The following PAQR5 variants were observed in gnomAD, a reference collection of about 807,000 sequenced individuals.
PAQR5 encodes membrane progestin receptor gamma.
In PAQR5, 20 loss-of-function variants were observed where a neutral mutation model predicts 34.5. The ratio of observed to expected loss-of-function variants is 0.58; its 90% CI spans 0.41 to 0.84. PAQR5 has a LOEUF of 0.84. PAQR5 is among the 40% of genes least tolerant of loss of function. PAQR5 has a pLI of 0.00. For synonymous variants in PAQR5, 131 were observed against 155.6 expected, an observed-to-expected ratio of 0.84 and a Z score of 1.18; for missense variants, 378 against 412.7, an observed-to-expected ratio of 0.92 and a Z score of 0.73.
chr15:69,305,258 G>A (rs1381879127), intron 1 of PAQR5, among the ~76,000 whole-genome samples: 1 of 152,032 alleles, frequency 6.6e-6, no homozygotes, highest in Non-Finnish European at 1.5e-5. Context: ...TGTCCTCTCG[G>A]GGACACTCCA....
chr15:69,375,399 C>A (rs753556290), intron 3 of PAQR5, among the ~76,000 whole-genome samples: 1 of 152,158 alleles, frequency 6.6e-6, no homozygotes, highest in African/African-American at 2.4e-5. Flanking sequence ...GCAGTTGCAT[C>A]TGAGGTCCTG....
intron 4 of PAQR5, among the ~76,000 whole-genome samples, chr15:69,383,373 A>G (rs1462849579): frequency 1.1e-3 from 39 of 36,636 alleles, no homozygotes; most frequent in Non-Finnish European, 4.6e-4. Flanking sequence ...CTTTGTGTAC[A>G]TGGTGGAGGG....
chr15:69,390,356 A>ATTTTTTTTT (rs144601337), intron 6 of PAQR5, among the ~76,000 whole-genome samples: 2 of 132,662 alleles, frequency 1.5e-5, no homozygotes, highest in Admixed American at 8.0e-5. Context: ...TTATTTATTT[A>ATTTTTTTTT]TTTATTTTTT....
At chr15:69,342,319 T>C (rs1328613926) in intron 2 of PAQR5, among the ~76,000 whole-genome samples, 1 of 149,220 alleles carries the variant, frequency 6.7e-6, no homozygotes, top group Non-Finnish European at 1.5e-5. Context: ...ATTTCTTTTA[T>C]ATTGGTTGTT....
At chr15:69,332,101 G>C (rs2054392973) in intron 1 of PAQR5, among the ~76,000 whole-genome samples, 1 of 152,192 alleles carries the variant, frequency 6.6e-6, no homozygotes, top group South Asian at 2.1e-4. Flanking sequence ...GGGTAAAACA[G>C]TAAACTATTG....
intron 1 of PAQR5, among the ~76,000 whole-genome samples, chr15:69,315,727 T>C (rs1424815101): frequency 6.6e-6 from 1 of 152,224 alleles, no homozygotes; most frequent in African/African-American, 2.4e-5. Flanking sequence ...ACTTTTCATA[T>C]AGAGGCCCTG....
intron 5 of PAQR5, among the ~76,000 whole-genome samples, chr15:69,389,423 G>A (rs1212638199): frequency 6.6e-6 from 1 of 152,250 alleles, no homozygotes; most frequent in East Asian, 1.9e-4. Context: ...GGTCATACAT[G>A]TAAAGCCCTT....
chr15:69,346,632 T>A (rs888920063), intron 2 of PAQR5, among the ~76,000 whole-genome samples: 1 of 150,574 alleles, frequency 6.6e-6, no homozygotes, highest in Non-Finnish European at 1.5e-5. Context: ...TTTTTTTTTT[T>A]TTTTTTGAGT....
intron 1 of PAQR5, among the ~76,000 whole-genome samples, chr15:69,331,299 A>G (rs191274754): frequency 6.4e-4 from 98 of 152,316 alleles, no homozygotes; most frequent in African/African-American, 2.3e-3. Flanking sequence ...GTGTCTGTTC[A>G]GCTCCTGCGG....
chr15:69,353,779 G>T (rs1018185949), intron 2 of PAQR5, among the ~76,000 whole-genome samples: 3 of 152,194 alleles, frequency 2.0e-5, no homozygotes, highest in African/African-American at 7.2e-5. Flanking sequence ...TTTCCAAGAA[G>T]ACTTGATGCT....
At chr15:69,352,198 T>G (rs1279168493) in intron 2 of PAQR5, among the ~76,000 whole-genome samples, 1 of 152,214 alleles carries the variant, frequency 6.6e-6, no homozygotes, top group East Asian at 1.9e-4. Flanking sequence ...AGCAAGGCCT[T>G]GCCGTCATCC....
intron 6 of PAQR5, among the ~76,000 whole-genome samples, chr15:69,393,157 T>C (rs1595936293): frequency 8.0e-6 from 1 of 124,230 alleles, no homozygotes; most frequent in African/African-American, 3.1e-5. Context: ...GCCACACTCT[T>C]GCACCCAAAG....
intron 7 of PAQR5, among the ~76,000 whole-genome samples, chr15:69,399,424 C>T (rs1474910747): frequency 6.6e-6 from 1 of 152,190 alleles, no homozygotes; most frequent in South Asian, 2.1e-4. Context: ...ATAATACCTA[C>T]ACAAAATATG....
intron 2 of PAQR5, among the ~76,000 whole-genome samples, chr15:69,351,056 G>A (rs1326963731): frequency 6.6e-6 from 1 of 152,214 alleles, no homozygotes; most frequent in Non-Finnish European, 1.5e-5. Flanking sequence ...CTGACTCATG[G>A]TGGGTCCAAG....
intron 2 of PAQR5, among the ~76,000 whole-genome samples, chr15:69,353,934 TGATGGTTTGGGCTGG>T (rs906081098): frequency 2.0e-5 from 3 of 151,542 alleles, no homozygotes; most frequent in Admixed American, 2.0e-4. Flanking sequence ...AAGAAGGGAG[TGATGGTTTGGGCTGG>T]GATGACTGAT....
At chr15:69,353,878 G>C (rs2054989848) in intron 2 of PAQR5, among the ~76,000 whole-genome samples, 2 of 152,168 alleles carry the variant, frequency 1.3e-5, no homozygotes, top group Non-Finnish European at 2.9e-5. Context: ...AGTTAAGACT[G>C]CCACCCAGCC....
At chr15:69,358,831 G>A (rs2055152089) in intron 2 of PAQR5, among the ~76,000 whole-genome samples, 1 of 151,794 alleles carries the variant, frequency 6.6e-6, no homozygotes. Flanking sequence ...ACCCAGGCTG[G>A]TCTTGAACTC....
At position 69,298,981 on chromosome 15, in the gene PAQR5, G is replaced by A. The variant is rs1019498877; in HGVS notation, c.-352G>A. On this transcript the variant is annotated 5_prime_UTR_variant, in exon 1 of 9. Coordinates refer to ENST00000395407, the MANE Select transcript of PAQR5 (RefSeq NM_017705.4). ...AGTCCGGGGTCGCCGCAGCCCGGGA[G>A]GAGTGTCTGGTCTCCGGCCTGCCTG... 6.6e-6 allele frequency: 1 copy of A among 151,824 alleles called. No homozygotes were observed. The allele number at this position is 151,824 out of a possible 1,614,324, so 9.4% of individuals were successfully genotyped here. A position where few individuals can be genotyped will look rare whatever the true frequency, so the allele number is the denominator to read the frequency against.
chr15:69,348,859 G>T (rs180704503), intron 2 of PAQR5, among the ~76,000 whole-genome samples: 2 of 152,176 alleles, frequency 1.3e-5, no homozygotes, highest in African/African-American at 4.8e-5. Context: ...GCCCAGGCCC[G>T]ATGGAGTGGG....
Sources: allele counts gnomAD v4.1 joint callset (sites outside exome capture counted in the v4.1 genomes callset), GRCh38; gene constraint gnomAD v4.1.1; transcripts MANE v1.5; gene names NCBI Gene and HGNC (gene_info 2026-07-23, HGNC 2026-07-21).